Variants in PCLO observed in about 807,000 individuals in gnomAD.
The protein encoded by PCLO is protein piccolo.
PCLO carries 82 observed loss-of-function variants against 427.5 expected under a neutral mutation model. That is an observed-to-expected ratio of 0.19 (90% confidence interval 0.16 to 0.23). PCLO has a LOEUF of 0.23. PCLO is among the 10% of genes least tolerant of loss of function. The probability of loss-of-function intolerance (pLI) is 1.00; values close to 1 mark genes in which losing one functional copy is unlikely to be tolerated. For missense variants in PCLO, 6,239 were observed against 6,115.9 expected (o/e 1.02, Z -0.67); for synonymous variants, 2,357 against 2,155.4 (o/e 1.09, Z -2.59).
At chr7:83,065,268 C>CT (rs962329422) in intron 3 of PCLO, among the ~76,000 whole-genome samples, 3 of 151,810 alleles carry the variant, frequency 2.0e-5, no homozygotes, top group Non-Finnish European at 2.9e-5. Flanking sequence ...TTCTATAAGG[C>CT]TTTTTCTACA....
At chr7:83,050,659 C>T (rs1436875135) in intron 3 of PCLO, among the ~76,000 whole-genome samples, 1 of 151,520 alleles carries the variant, frequency 6.6e-6, no homozygotes, top group Non-Finnish European at 1.5e-5. Flanking sequence ...GTAATTCCAC[C>T]TTGGGAGGCT....
intron 3 of PCLO, among the ~76,000 whole-genome samples, chr7:83,113,869 GACCTC>G (rs2116533891): frequency 6.6e-6 from 1 of 152,148 alleles, no homozygotes; most frequent in South Asian, 2.1e-4. Flanking sequence ...GGTCAGAGTA[GACCTC>G]ATTGAAATCA....
intron 3 of PCLO, among the ~76,000 whole-genome samples, chr7:83,005,576 C>G (rs1014460268): frequency 6.6e-6 from 1 of 151,550 alleles, no homozygotes; most frequent in Middle Eastern, 3.4e-3. Flanking sequence ...ACCCTCACCA[C>G]CAGGGGGACA....
intron 3 of PCLO, among the ~76,000 whole-genome samples, chr7:83,129,848 T>C (rs1791526211): frequency 1.3e-5 from 2 of 152,276 alleles, no homozygotes; most frequent in South Asian, 4.1e-4. Context: ...TAAAAATGCA[T>C]AGAAAAATGG....
At chr7:82,902,579 TA>T (rs1562846739) in intron 9 of PCLO, 71 bp downstream of exon 9, 3 of 817,846 alleles carry the variant, frequency 3.7e-6, no homozygotes, top group Middle Eastern at 3.3e-4. Context: ...AGTATAATAA[TA>T]AAAAAATGCA....
intron 7 of PCLO, chr7:82,914,373 G>A (rs1310172978): frequency 2.0e-6 from 1 of 497,232 alleles, no homozygotes; most frequent in Non-Finnish European, 3.5e-6. Flanking sequence ...TTCAACTATG[G>A]ATTTATAGGA....
At chr7:82,933,900 G>T (rs1584176905) in intron 6 of PCLO, among the ~76,000 whole-genome samples, 2 of 151,832 alleles carry the variant, frequency 1.3e-5, no homozygotes. Flanking sequence ...ATTACTCAGA[G>T]AAATGAATCT....
intron 20 of PCLO, among the ~76,000 whole-genome samples, chr7:82,818,442 G>C (rs1377636655): frequency 6.6e-6 from 1 of 152,100 alleles, no homozygotes; most frequent in Admixed American, 6.6e-5. Flanking sequence ...TGCACAGTGG[G>C]AAGGCTTCCT....
intron 3 of PCLO, among the ~76,000 whole-genome samples, chr7:82,992,570 C>T (rs1175270097): frequency 6.6e-6 from 1 of 151,942 alleles, no homozygotes; most frequent in African/African-American, 2.4e-5. Flanking sequence ...ATGCAGAGAA[C>T]ATCACACACC....
intron 21 of PCLO, among the ~76,000 whole-genome samples, chr7:82,803,290 C>G (rs1791396755): frequency 6.6e-6 from 1 of 151,974 alleles, no homozygotes; most frequent in Non-Finnish European, 1.5e-5. Context: ...AAGTGCAGGT[C>G]TTTTTAGTAT....
At chr7:82,880,140 A>G (rs1333514630) in intron 9 of PCLO, among the ~76,000 whole-genome samples, 3 of 152,156 alleles carry the variant, frequency 2.0e-5, no homozygotes, top group Admixed American at 6.6e-5. Context: ...ATAAGTGTTT[A>G]TATTTTTAGT....
At chr7:82,906,246 G>A (rs1794190169) in intron 8 of PCLO, among the ~76,000 whole-genome samples, 1 of 151,956 alleles carries the variant, frequency 6.6e-6, no homozygotes, top group East Asian at 1.9e-4. Context: ...ATAAATTAGT[G>A]TTTGCATTAG....
At chr7:82,785,383 TACTGTGTGGCCTG>T (rs1298134557) in intron 22 of PCLO, among the ~76,000 whole-genome samples, 1 of 152,168 alleles carries the variant, frequency 6.6e-6, no homozygotes, top group East Asian at 1.9e-4. Flanking sequence ...ACTCACCTCC[TACTGTGTGGCCTG>T]GTTTCTAACA....
At chr7:83,076,662 T>G (rs567670579) in intron 3 of PCLO, among the ~76,000 whole-genome samples, 1 of 151,066 alleles carries the variant, frequency 6.6e-6, no homozygotes, top group African/African-American at 2.4e-5. Flanking sequence ...TATTATACTT[T>G]AAGTTTTAGG....
At chr7:82,806,407 A>G (rs1212692679) in intron 20 of PCLO, among the ~76,000 whole-genome samples, 5 of 152,164 alleles carry the variant, frequency 3.3e-5, no homozygotes, top group African/African-American at 4.8e-5. Flanking sequence ...GTTTCTTTTC[A>G]GGCATTTCCT....
chr7:82,865,131 G>T (rs1030259035), intron 10 of PCLO, among the ~76,000 whole-genome samples: 3 of 151,952 alleles, frequency 2.0e-5, no homozygotes, highest in Non-Finnish European at 2.9e-5. Context: ...GCTGCCTTTT[G>T]TCCTACTGAG....
chr7:82,948,724 T>C (rs1484195664), intron 6 of PCLO, among the ~76,000 whole-genome samples: 4 of 152,176 alleles, frequency 2.6e-5, no homozygotes, highest in African/African-American at 9.7e-5. Flanking sequence ...TATATGTTCT[T>C]CTCCCCTTGA....
At position 82,956,861 on chromosome 7, in the gene PCLO, T is replaced by C. The variant is rs1280188712; in HGVS notation, c.4092A>G (p.Gly1364=). The C allele has an allele frequency of 4.3e-6, 7 of 1,613,774 alleles. No individual in the cohort carries two copies. The highest frequency in any genetic ancestry group is 2.2e-5 in the East Asian group (1 of 44,866). ...PKSPQGLSDT[G]YSSDGISSSL... is the part of the protein sequence containing the mutation. ...AGCTTGATATTCCATCGGAAGAATA[T>C]CCCGTGTCGCTCAGACCTTGGGGGC... The change falls in exon 5 of 25, where the codon GGA becomes GGG. Residue 1364 remains glycine, a synonymous_variant. Transcript: ENST00000333891.
chr7:82,917,919 T>C (rs903664571), intron 6 of PCLO, among the ~76,000 whole-genome samples: 3 of 152,034 alleles, frequency 2.0e-5, no homozygotes, highest in Non-Finnish European at 4.4e-5. Flanking sequence ...CTCTGTACTT[T>C]CATTGCCTTT....
Sources: gnomAD v4.1 joint callset for allele counts (sites outside exome capture counted in the v4.1 genomes callset) on GRCh38, gnomAD v4.1.1 for gene constraint, MANE v1.5 for transcripts, NCBI Gene and HGNC (gene_info 2026-07-23, HGNC 2026-07-21) for gene names.